PAPOLA: variants seen among roughly 807,000 people sequenced by gnomAD.
The protein encoded by PAPOLA is polynucleotide adenylyltransferase alpha.
Under a neutral mutation model 100.6 loss-of-function variants are expected in PAPOLA, and 15 were observed. The ratio of observed to expected loss-of-function variants is 0.15; its 90% CI spans 0.10 to 0.23. PAPOLA has a LOEUF of 0.23. Among genes scored for constraint, PAPOLA ranks in the 10% least tolerant of loss-of-function variants. The pLI is 1.00. For synonymous variants in PAPOLA, 293 were observed against 300.0 expected (o/e 0.98, Z 0.24); for missense variants, 533 against 884.2 (o/e 0.60, Z 5.04).
intron 10 of PAPOLA, chr14:96,535,562 A>G (rs1037376815): frequency 2.0e-6 from 2 of 1,017,848 alleles, no homozygotes; most frequent in African/African-American, 1.7e-5. Flanking sequence ...GTGCATCCCC[A>G]TTTCTGTTGT....
chr14:96,563,899 T>C (rs1902074664), intron 21 of PAPOLA, among the ~76,000 whole-genome samples: 1 of 152,106 alleles, frequency 6.6e-6, no homozygotes, highest in South Asian at 2.1e-4. Flanking sequence ...CCACATACTC[T>C]CGGGACTTAT....
chr14:96,524,931 A>G (rs1281813880), intron 3 of PAPOLA, among the ~76,000 whole-genome samples: 2 of 152,182 alleles, frequency 1.3e-5, no homozygotes, highest in Non-Finnish European at 2.9e-5. Context: ...CAATCAGAAT[A>G]TGTTTTTATT....
intron 7 of PAPOLA, 43 bp downstream of exon 7, chr14:96,531,629 C>G: frequency 6.4e-7 from 1 of 1,562,790 alleles, no homozygotes. Context: ...CAGTTTTTGT[C>G]AGATATTAGT....
At chr14:96,554,104 T>C (rs914755406) in intron 17 of PAPOLA, among the ~76,000 whole-genome samples, 1 of 152,224 alleles carries the variant, frequency 6.6e-6, no homozygotes, top group African/African-American at 2.4e-5. Context: ...ATATAAAATG[T>C]GTACAACTGT....
intron 1 of PAPOLA, among the ~76,000 whole-genome samples, chr14:96,519,234 C>T (rs1032489454): frequency 6.6e-6 from 1 of 152,028 alleles, no homozygotes; most frequent in African/African-American, 2.4e-5. Context: ...CCTATAAACA[C>T]TTAATTTCTT....
intron 16 of PAPOLA, among the ~76,000 whole-genome samples, chr14:96,550,813 G>A (rs534965083): frequency 6.6e-6 from 1 of 152,270 alleles, no homozygotes; most frequent in East Asian, 1.9e-4. Flanking sequence ...CAAGTGTCTA[G>A]GAGTCAAGAT....
intron 4 of PAPOLA, 46 bp downstream of exon 4, chr14:96,525,437 A>G (rs1898378075): frequency 2.6e-6 from 2 of 766,384 alleles, no homozygotes; most frequent in Non-Finnish European, 4.4e-6. Flanking sequence ...TTTAGTTCTT[A>G]AAAATTATGA....
At chr14:96,507,407 C>T (rs1203656098) in intron 1 of PAPOLA, among the ~76,000 whole-genome samples, 1 of 150,302 alleles carries the variant, frequency 6.7e-6, no homozygotes. Context: ...CCTGCCTCAG[C>T]CTCCCGAGTA....
chr14:96,515,674 A>G (rs1897402593), intron 1 of PAPOLA, among the ~76,000 whole-genome samples: 1 of 152,234 alleles, frequency 6.6e-6, no homozygotes, highest in Non-Finnish European at 1.5e-5. Flanking sequence ...GGTGAGACGA[A>G]AATGGACCAG....
intron 6 of PAPOLA, among the ~76,000 whole-genome samples, chr14:96,531,013 T>C (rs1280961684): frequency 6.6e-6 from 1 of 151,302 alleles, no homozygotes; most frequent in East Asian, 2.0e-4. Flanking sequence ...TTTGTAGTTT[T>C]TGTTTTTGAG....
rs1316031550 is a variant in PAPOLA, at chr14:96,528,013, T to C, written c.495+7T>C. 6.3e-7 allele frequency: 1 copy of C among 1,580,852 alleles called. No individual in the cohort carries two copies. Among genetic ancestry groups the C allele is most frequent in the Admixed American group, 1.7e-5 (1 of 59,960 alleles). ...CTGTTTTGATGGGATAGAGGTAAGGTATAGTTCAAATTGACAGTTCTTGCT... is the reference window on the plus strand; with the variant it reads ...CTGTTTTGATGGGATAGAGGTAAGGCATAGTTCAAATTGACAGTTCTTGCT... On this transcript the variant is annotated splice_region_variant and intron_variant, in intron 6 of 21. Coordinates refer to ENST00000216277, the MANE Select transcript of PAPOLA (RefSeq NM_032632.5).
chr14:96,557,572 T>G (rs980486394), intron 19 of PAPOLA, among the ~76,000 whole-genome samples: 1 of 151,752 alleles, frequency 6.6e-6, no homozygotes, highest in Non-Finnish European at 1.5e-5. Context: ...TCATTGTGTT[T>G]TTTTTTTTTG....
chr14:96,544,084 C>A, intron 14 of PAPOLA, 65 bp from the exon 15 acceptor site: 3 of 853,642 alleles, frequency 3.5e-6, no homozygotes, highest in South Asian at 1.5e-5. Context: ...CTCTGATTGT[C>A]AGCCACACTG....
chr14:96,559,550 C>CCTCT (rs66829530), intron 19 of PAPOLA, among the ~76,000 whole-genome samples: 1,517 of 118,432 alleles, frequency 0.013, 24 homozygotes, highest in East Asian at 0.053. Context: ...GCTAAATTAA[C>CCTCT]CTCTCTCTCT....
intron 7 of PAPOLA, chr14:96,532,116 A>C: frequency 7.3e-7 from 1 of 1,362,396 alleles, no homozygotes. Flanking sequence ...AGTGCTTACA[A>C]TAGGAGATAA....
intron 9 of PAPOLA, 35 bp from the exon 10 acceptor site, chr14:96,534,456 A>T: frequency 6.2e-7 from 1 of 1,608,960 alleles, no homozygotes; most frequent in Non-Finnish European, 8.5e-7. Flanking sequence ...GTAATATCCA[A>T]TAGTCTTATC....
chr14:96,544,808 G>C (rs1900258057), intron 15 of PAPOLA, among the ~76,000 whole-genome samples: 1 of 152,060 alleles, frequency 6.6e-6, no homozygotes, highest in African/African-American at 2.4e-5. Context: ...AATTGATGAA[G>C]CAGAACTTGT....
At chr14:96,553,679 A>AT (rs1299971389) in intron 17 of PAPOLA, 4 of 152,156 alleles carry the variant, frequency 2.6e-5, no homozygotes, top group Admixed American at 6.6e-5. Flanking sequence ...TGCCCAGCTG[A>AT]TTACTGTATT....
At chr14:96,534,121 T>C (rs1433674518) in intron 9 of PAPOLA, 1 of 1,013,634 alleles carries the variant, frequency 9.9e-7, no homozygotes, top group Non-Finnish European at 1.2e-6. Context: ...TCACTTGACT[T>C]TGGATGGAAC....
Sources: allele counts gnomAD v4.1 joint callset (sites outside exome capture counted in the v4.1 genomes callset), GRCh38; gene constraint gnomAD v4.1.1; transcripts MANE v1.5; gene names NCBI Gene and HGNC (gene_info 2026-07-23, HGNC 2026-07-21).